The following NXPH2 variants were observed in gnomAD, a reference collection of about 807,000 sequenced individuals.
The protein encoded by NXPH2 is neurexophilin 2.
NXPH2 carries 5 observed loss-of-function variants against 19.8 expected under a neutral mutation model. That is an observed-to-expected ratio of 0.25 (90% CI 0.13 to 0.53). The LOEUF (loss-of-function observed/expected upper bound fraction) is 0.53, where lower values mean the gene tolerates loss of function less well. Among genes scored for constraint, NXPH2 ranks in the 20% least tolerant of loss-of-function variants. NXPH2 has a pLI of 0.96. For synonymous variants in NXPH2, 154 were observed against 127.4 expected (o/e 1.21, Z -1.41); for missense variants, 289 against 322.8 (o/e 0.90, Z 0.80).
rs992039416 is a variant in NXPH2, at chr2:138,759,978, C to T, written c.51+20213G>A. Among the ~76,000 whole-genome samples the T allele has an allele frequency of 3.9e-5, 6 of 152,248 alleles. No individual in the cohort carries two copies. In the South Asian group the frequency reaches 1.2e-3, roughly 32 times the overall value. The stretch of plus-strand genomic sequence containing the variant: ...TCTCCTGACCTTGTGATCCGCCCGC[C>T]TCGGCCTCCCAAAGTGCTGAGATTA... On this transcript the variant is annotated intron_variant, in intron 1 of 1. Coordinates refer to ENST00000272641, the MANE Select transcript of NXPH2 (RefSeq NM_007226.3).
rs534249387 is a variant in NXPH2, at chr2:138,745,248, T to C, written c.51+34943A>G. Among the ~76,000 whole-genome samples the C allele has an allele frequency of 3.3e-5, 5 of 152,290 alleles. No homozygotes were observed. The South Asian group carries it at 1.0e-3, about 32-fold the overall frequency. On this transcript the variant is annotated intron_variant, in intron 1 of 1. Transcript: ENST00000272641. ...GGGCCATTCCCTGAAACAGGATCAA[T>C]AGGTTGTAGGATTTGAACCATATAT...
intron 1 of NXPH2, among the ~76,000 whole-genome samples, chr2:138,767,479 T>C (rs948781337): frequency 4.6e-5 from 7 of 152,248 alleles, no homozygotes; most frequent in Non-Finnish European, 8.8e-5. Context: ...AGTTCTGAGA[T>C]ACATGTGCAG....
chr2:138,752,597 A>G (rs1211902033), intron 1 of NXPH2, among the ~76,000 whole-genome samples: 1 of 152,176 alleles, frequency 6.6e-6, no homozygotes, highest in African/African-American at 2.4e-5. Context: ...TATTATTAAT[A>G]AACCAATATT....
At chr2:138,682,880 C>A (rs553161555) in intron 1 of NXPH2, among the ~76,000 whole-genome samples, 1 of 152,176 alleles carries the variant, frequency 6.6e-6, no homozygotes, top group Non-Finnish European at 1.5e-5. Flanking sequence ...CATGCATGCA[C>A]GCATGCCTAC....
At chr2:138,707,447 G>C (rs186549834) in intron 1 of NXPH2, among the ~76,000 whole-genome samples, 4 of 152,094 alleles carry the variant, frequency 2.6e-5, no homozygotes, top group East Asian at 1.9e-4. Flanking sequence ...CCTGATCTGG[G>C]GGGGAGAAAA....
chr2:138,689,693 C>T (rs759671074), intron 1 of NXPH2, among the ~76,000 whole-genome samples: 4 of 152,112 alleles, frequency 2.6e-5, no homozygotes, highest in Middle Eastern at 3.2e-3. Flanking sequence ...CAAATTTAGC[C>T]GTCTATTAAA....
chr2:138,680,902 T>A (rs138899620), intron 1 of NXPH2, among the ~76,000 whole-genome samples: 153 of 152,314 alleles, frequency 1.0e-3, no homozygotes, highest in African/African-American at 3.7e-3. Flanking sequence ...ACAGTTATAT[T>A]TTTTTCCCAG....
rs1175294507 is a variant in NXPH2, at chr2:138,670,177, G to A, written c.*745C>T. On this transcript the variant is annotated 3_prime_UTR_variant, in exon 2 of 2. Transcript: ENST00000272641. ...CACAGCATTTGAATTTATCAGAAGA[G>A]TCTAAAAACATCATGATTTTTGTTA... is the stretch of plus-strand genomic sequence containing the variant. Among the ~76,000 whole-genome samples the A allele has an allele frequency of 6.6e-6, 1 of 152,182 alleles. No homozygotes were observed. Among genetic ancestry groups the A allele is most frequent in the African/African-American group, 2.4e-5 (1 of 41,446 alleles).
intron 1 of NXPH2, among the ~76,000 whole-genome samples, chr2:138,723,196 G>A (rs1007958000): frequency 3.3e-5 from 5 of 151,926 alleles, no homozygotes; most frequent in Admixed American, 3.3e-4. Flanking sequence ...AAACAAACTG[G>A]GTCCATTTCT....
At chr2:138,687,894 C>A (rs1394478471) in intron 1 of NXPH2, among the ~76,000 whole-genome samples, 8 of 152,068 alleles carry the variant, frequency 5.3e-5, no homozygotes, top group Non-Finnish European at 2.9e-5. Flanking sequence ...TTCCATTGGT[C>A]TATATCTCTG....
At chr2:138,751,069 C>A (rs1180607932) in intron 1 of NXPH2, among the ~76,000 whole-genome samples, 2 of 138,096 alleles carry the variant, frequency 1.4e-5, no homozygotes, top group African/African-American at 2.6e-5. Context: ...GTGTTTCCTG[C>A]ATAGCATCCT....
intron 1 of NXPH2, among the ~76,000 whole-genome samples, chr2:138,714,400 A>C (rs1681157898): frequency 6.6e-6 from 1 of 152,226 alleles, no homozygotes; most frequent in African/African-American, 2.4e-5. Context: ...TTTTTAAGCT[A>C]AATTTCATAT....
intron 1 of NXPH2, among the ~76,000 whole-genome samples, chr2:138,676,004 C>CTT (rs570241008): frequency 6.6e-6 from 1 of 151,024 alleles, no homozygotes; most frequent in African/African-American, 2.4e-5. Context: ...TATAAAAGCA[C>CTT]TTTTTTTTAA....
In NXPH2 at chr2:138,669,589, A is replaced by G. The variant is rs1342249735; in HGVS notation, c.*1333T>C. On this transcript the variant is annotated 3_prime_UTR_variant, in exon 2 of 2. Transcript: ENST00000272641. The stretch of plus-strand genomic sequence containing the variant: ...AATTTAATGTTTTACTTTAATTAAT[A>G]TTTTACAGATAAGAAGGGAGAAAGA... 6.6e-6 allele frequency among the ~76,000 whole-genome samples: 1 copy of G among 152,166 alleles called. No individual in the cohort carries two copies. Among genetic ancestry groups the G allele is most frequent in the African/African-American group, 2.4e-5 (1 of 41,442 alleles).
chr2:138,688,467 C>T (rs1364229518), intron 1 of NXPH2, among the ~76,000 whole-genome samples: 2 of 152,184 alleles, frequency 1.3e-5, no homozygotes, highest in Non-Finnish European at 2.9e-5. Context: ...CAGGTGTGAG[C>T]CACCATGCTC....
At chr2:138,698,835 CAA>C (rs1680873378) in intron 1 of NXPH2, among the ~76,000 whole-genome samples, 1 of 151,914 alleles carries the variant, frequency 6.6e-6, no homozygotes, top group Non-Finnish European at 1.5e-5. Context: ...GCCTGGGAGA[CAA>C]AGAGAGATTG....
In NXPH2 at chr2:138,671,630, C is replaced by G; in HGVS notation, c.87G>C (p.Thr29=). ...CTTTGTCTTCCCAATCCAGCCCCTC[C>G]GTGGCATGCACCACTTCCTTACTGT... is the stretch of plus-strand genomic sequence containing the variant. The part of the protein sequence containing the change: ...FCDSKEVVHA[T]EGLDWEDKDA... Residue 29 remains threonine, a synonymous_variant, in exon 2 of 2, where the codon ACG becomes ACC. Coordinates refer to ENST00000272641, the MANE Select transcript of NXPH2 (RefSeq NM_007226.3). The G allele has an allele frequency of 1.9e-6, 3 of 1,594,130 alleles. No homozygotes were observed. Among genetic ancestry groups the G allele is most frequent in the Non-Finnish European group, 2.6e-6 (3 of 1,171,378 alleles).
intron 1 of NXPH2, among the ~76,000 whole-genome samples, chr2:138,727,768 A>G (rs1681381513): frequency 6.6e-6 from 1 of 152,144 alleles, no homozygotes; most frequent in African/African-American, 2.4e-5. Flanking sequence ...TTTTAATAAA[A>G]TCCAGCTTAA....
intron 1 of NXPH2, among the ~76,000 whole-genome samples, chr2:138,719,349 C>A (rs903180124): frequency 2.0e-5 from 3 of 151,908 alleles, no homozygotes; most frequent in African/African-American, 7.3e-5. Flanking sequence ...TTAAAAATAT[C>A]CGAAAGGAGA....
Sources: allele counts gnomAD v4.1 joint callset (sites outside exome capture counted in the v4.1 genomes callset), GRCh38; gene constraint gnomAD v4.1.1; transcripts MANE v1.5; gene names NCBI Gene and HGNC (gene_info 2026-07-23, HGNC 2026-07-21).